Variants in ADAMTSL1 observed in about 807,000 individuals in gnomAD.
The protein encoded by ADAMTSL1 is ADAMTS-like protein 1.
A neutral mutation model predicts 201.8 loss-of-function variants in ADAMTSL1; 126 were observed. The observed-to-expected ratio is 0.62, with a 90% confidence interval of 0.54 to 0.72. The LOEUF (loss-of-function observed/expected upper bound fraction) is 0.72, where lower values mean the gene tolerates loss of function less well. ADAMTSL1 is among the 30% of genes least tolerant of loss of function. The pLI, the probability that ADAMTSL1 is intolerant of heterozygous loss-of-function variation, is 0.00. For synonymous variants in ADAMTSL1, 1,121 were observed against 903.4 expected (o/e 1.24, Z -4.32); for missense variants, 2,679 against 2,277.8 (o/e 1.18, Z -3.59).
intron 2 of ADAMTSL1, among the ~76,000 whole-genome samples, chr9:18,371,426 C>A (rs915533717): frequency 6.6e-6 from 1 of 152,144 alleles, no homozygotes; most frequent in African/African-American, 2.4e-5. Context: ...ACCTTAAAAA[C>A]ACACTAGACA....
chr9:18,908,638 T>TATTTA lies in ADAMTSL1; in HGVS notation c.*91_*95dup. ...GAACCTAAGCTTTCTTCATTTTATT[T>TATTTA]ATTTATTTCCCCCTCCCCACTCCAC... On this transcript the variant is annotated 3_prime_UTR_variant, in exon 29 of 29. Transcript: ENST00000380548. 9.3e-7 allele frequency: 1 copy of TATTTA among 1,075,146 alleles called. No homozygotes were observed. The highest frequency in any genetic ancestry group is 1.3e-6 in the Non-Finnish European group (1 of 748,068). 66.6% of individuals were successfully genotyped at this position (1,075,146 alleles called of 1,614,324 possible).
intron 1 of ADAMTSL1, among the ~76,000 whole-genome samples, chr9:18,153,204 A>G (rs1453990461): frequency 6.6e-6 from 1 of 152,004 alleles, no homozygotes; most frequent in East Asian, 1.9e-4. Flanking sequence ...TGAAGAGACA[A>G]CCCAAACAGG....
At chr9:17,913,843 C>T (rs893348253) in intron 1 of ADAMTSL1, among the ~76,000 whole-genome samples, 6 of 151,828 alleles carry the variant, frequency 4.0e-5, no homozygotes, top group Admixed American at 2.6e-4. Flanking sequence ...GGGGATATCA[C>T]CACCGATCCC....
At chr9:18,292,248 C>G (rs1332272027) in intron 2 of ADAMTSL1, among the ~76,000 whole-genome samples, 1 of 152,004 alleles carries the variant, frequency 6.6e-6, no homozygotes, top group Admixed American at 6.6e-5. Context: ...CATACAAAGT[C>G]CAGATGATGG....
chr9:17,948,998 T>C (rs993106608), intron 1 of ADAMTSL1, among the ~76,000 whole-genome samples: 3 of 152,190 alleles, frequency 2.0e-5, no homozygotes, highest in Admixed American at 1.3e-4. Flanking sequence ...AGTTAAAAAA[T>C]ATCTGTATGA....
chr9:18,665,380 C>A (rs996539847), intron 9 of ADAMTSL1, among the ~76,000 whole-genome samples: 4 of 152,060 alleles, frequency 2.6e-5, no homozygotes, highest in Non-Finnish European at 5.9e-5. Flanking sequence ...ATATTTTGGT[C>A]TTTTACACAA....
chr9:18,625,820 T>G (rs1826325756), intron 5 of ADAMTSL1, among the ~76,000 whole-genome samples: 1 of 152,216 alleles, frequency 6.6e-6, no homozygotes, highest in Non-Finnish European at 1.5e-5. Flanking sequence ...CCTAAAGCTC[T>G]CTCTCTACCT....
intron 2 of ADAMTSL1, among the ~76,000 whole-genome samples, chr9:18,447,304 A>G (rs1030558055): frequency 1.3e-5 from 2 of 152,212 alleles, no homozygotes; most frequent in Admixed American, 1.3e-4. Flanking sequence ...GAGCCTGGAA[A>G]TGTGTCACAA....
At chr9:18,166,733 C>G (rs139522668) in intron 2 of ADAMTSL1, among the ~76,000 whole-genome samples, 6 of 151,836 alleles carry the variant, frequency 4.0e-5, no homozygotes, top group Admixed American at 3.3e-4. Flanking sequence ...TCTCTCACAC[C>G]CTTTCTTTAC....
At chr9:18,528,313 G>A (rs1330098592) in intron 2 of ADAMTSL1, among the ~76,000 whole-genome samples, 1 of 152,130 alleles carries the variant, frequency 6.6e-6, no homozygotes, top group Non-Finnish European at 1.5e-5. Flanking sequence ...ATTGAGCCCA[G>A]CATTCATTAG....
intron 1 of ADAMTSL1, among the ~76,000 whole-genome samples, chr9:18,087,872 G>C (rs1343312035): frequency 6.6e-6 from 1 of 152,084 alleles, no homozygotes; most frequent in African/African-American, 2.4e-5. Flanking sequence ...CTGTCCTTTG[G>C]ATGAAATAGA....
At chr9:17,942,396 A>G (rs968935436) in intron 1 of ADAMTSL1, among the ~76,000 whole-genome samples, 1 of 152,156 alleles carries the variant, frequency 6.6e-6, no homozygotes, top group African/African-American at 2.4e-5. Flanking sequence ...TTATCAATGT[A>G]ATCTTTTGTT....
At chr9:18,851,307 A>G (rs114997235) in intron 23 of ADAMTSL1, among the ~76,000 whole-genome samples, 2,036 of 152,270 alleles carry the variant, frequency 0.013, 40 homozygotes, top group African/African-American at 0.046. Context: ...AAAGGGTAAT[A>G]AAGAGAGTGC....
At chr9:18,852,762 T>C (rs1448524370) in intron 23 of ADAMTSL1, among the ~76,000 whole-genome samples, 2 of 152,314 alleles carry the variant, frequency 1.3e-5, no homozygotes, top group Admixed American at 1.3e-4. Context: ...CTCATCAGTA[T>C]AGTGGGTTGA....
intron 2 of ADAMTSL1, among the ~76,000 whole-genome samples, chr9:18,294,366 T>C (rs1833389737): frequency 6.6e-6 from 1 of 152,222 alleles, no homozygotes; most frequent in Non-Finnish European, 1.5e-5. Flanking sequence ...TTGTGGTCTT[T>C]TGTTTTGTGT....
intron 2 of ADAMTSL1, among the ~76,000 whole-genome samples, chr9:18,347,018 C>G (rs947127827): frequency 2.0e-5 from 3 of 152,150 alleles, no homozygotes; most frequent in Non-Finnish European, 4.4e-5. Flanking sequence ...ACACAGAGCT[C>G]TGCTACAGCT....
At chr9:18,321,788 A>G (rs961643360) in intron 2 of ADAMTSL1, among the ~76,000 whole-genome samples, 1 of 152,134 alleles carries the variant, frequency 6.6e-6, no homozygotes, top group African/African-American at 2.4e-5. Context: ...GCGAGACTCC[A>G]TGTCAAAAAA....
chr9:18,770,754 C>T lies in ADAMTSL1; in HGVS notation c.2370C>T (p.Ser790=), dbSNP rs765796730. The change falls in exon 17 of 29, where the codon AGC becomes AGT. Residue 790 remains serine (S), a synonymous_variant. Coordinates refer to ENST00000380548, the MANE Select transcript of ADAMTSL1 (RefSeq NM_001040272.6). The part of the protein sequence containing the change: ...QQACKKDDCP[S]EWLLSDWTEC... ...CATGCAAGAAAGATGACTGTCCCAG[C>T]GAGTGGCTTCTCTCAGACTGGACAG... The T allele has an allele frequency of 3.3e-5, 53 of 1,613,682 alleles. No homozygotes were observed. Among genetic ancestry groups the T allele is most frequent in the Admixed American group, 1.2e-4 (7 of 59,976 alleles).
chr9:17,913,660 A>G (rs1290989642), intron 1 of ADAMTSL1, among the ~76,000 whole-genome samples: 1 of 152,214 alleles, frequency 6.6e-6, no homozygotes, highest in Non-Finnish European at 1.5e-5. Context: ...AAGGCAAGAA[A>G]TAACTAAAAT....
Sources: allele counts gnomAD v4.1 joint callset (sites outside exome capture counted in the v4.1 genomes callset), GRCh38; gene constraint gnomAD v4.1.1; transcripts MANE v1.5; gene names NCBI Gene and HGNC (gene_info 2026-07-23, HGNC 2026-07-21).